CCDC141: variants seen among roughly 807,000 people sequenced by gnomAD.
The protein encoded by CCDC141 is coiled-coil domain containing 141.
In CCDC141, 168 loss-of-function variants were observed where a neutral mutation model predicts 181.0. The ratio of observed to expected loss-of-function variants is 0.93; its 90% CI spans 0.82 to 1.05. CCDC141 has a LOEUF of 1.05. CCDC141 is among the 50% of genes least tolerant of loss of function. The pLI is 0.00. For missense variants in CCDC141, 1,902 were observed against 1,788.5 expected, an observed-to-expected ratio of 1.06 and a Z score of -1.14; for synonymous variants, 666 against 642.3, an observed-to-expected ratio of 1.04 and a Z score of -0.56.
intron 2 of CCDC141, among the ~76,000 whole-genome samples, chr2:179,019,644 C>T (rs1474253768): frequency 3.3e-5 from 5 of 152,222 alleles, no homozygotes; most frequent in African/African-American, 1.2e-4. Context: ...TAGTAGGAAA[C>T]TACACTTTAA....
intron 6 of CCDC141, among the ~76,000 whole-genome samples, chr2:178,938,259 C>A (rs911867664): frequency 4.6e-5 from 7 of 152,118 alleles, no homozygotes; most frequent in African/African-American, 1.7e-4. Flanking sequence ...CTTCACACTG[C>A]CTTAGCTGTG....
intron 2 of CCDC141, among the ~76,000 whole-genome samples, chr2:178,994,162 T>C (rs540701190): frequency 1.2e-4 from 19 of 152,314 alleles, no homozygotes; most frequent in African/African-American, 4.6e-4. Context: ...CAGTAGGTAT[T>C]CTGTTTGTGG....
intron 4 of CCDC141, among the ~76,000 whole-genome samples, chr2:178,965,937 T>G (rs1378193570): frequency 6.6e-6 from 1 of 151,792 alleles, no homozygotes; most frequent in African/African-American, 2.4e-5. Flanking sequence ...TTGGTGGGGG[T>G]AGGGGCGTCC....
At chr2:178,949,469 T>A (rs1347311594) in intron 5 of CCDC141, among the ~76,000 whole-genome samples, 1 of 152,200 alleles carries the variant, frequency 6.6e-6, no homozygotes, top group Non-Finnish European at 1.5e-5. Context: ...AATGCCAGTG[T>A]CAGAATTCAT....
intron 8 of CCDC141, among the ~76,000 whole-genome samples, chr2:178,902,514 C>A (rs1395543400): frequency 4.6e-5 from 7 of 152,120 alleles, no homozygotes; most frequent in Non-Finnish European, 7.3e-5. Flanking sequence ...GAAAGGATTC[C>A]CTATTTAATA....
chr2:178,856,519 A>T, intron 17 of CCDC141, 122 bp from the exon 18 acceptor site: 1 of 617,320 alleles, frequency 1.6e-6, no homozygotes, highest in South Asian at 3.8e-5. Context: ...ATTTAGGGTA[A>T]TTTTCCCTCC....
At chr2:179,022,497 A>G (rs1197535111) in intron 2 of CCDC141, among the ~76,000 whole-genome samples, 4 of 152,130 alleles carry the variant, frequency 2.6e-5, no homozygotes, top group Non-Finnish European at 4.4e-5. Context: ...CCCTGCCCCA[A>G]ACACTGTTCC....
chr2:179,046,116 A>G (rs2043489885), intron 2 of CCDC141, among the ~76,000 whole-genome samples: 1 of 152,242 alleles, frequency 6.6e-6, no homozygotes, highest in South Asian at 2.1e-4. Context: ...AGAAAACAGT[A>G]ATATTAAAGT....
intron 7 of CCDC141, among the ~76,000 whole-genome samples, chr2:178,906,665 G>A (rs561897741): frequency 1.3e-5 from 2 of 152,316 alleles, no homozygotes; most frequent in East Asian, 3.9e-4. Context: ...AAGCCAGTGA[G>A]CTTGCCAGGA....
At chr2:179,004,333 C>T (rs2042064213) in intron 2 of CCDC141, among the ~76,000 whole-genome samples, 1 of 152,094 alleles carries the variant, frequency 6.6e-6, no homozygotes, top group African/African-American at 2.4e-5. Context: ...ATTGCCAATG[C>T]TTATAATCAT....
chr2:178,936,203 G>A (rs1689282772), intron 6 of CCDC141, among the ~76,000 whole-genome samples: 1 of 151,960 alleles, frequency 6.6e-6, no homozygotes, highest in African/African-American at 2.4e-5. Context: ...TGCCTAAGTT[G>A]TCTTCCAGGG....
intron 9 of CCDC141, among the ~76,000 whole-genome samples, chr2:178,887,829 C>T (rs1245822611): frequency 6.6e-6 from 1 of 152,130 alleles, no homozygotes; most frequent in Non-Finnish European, 1.5e-5. Context: ...AATTTGAGAC[C>T]AAGCCTCTGC....
At chr2:178,879,097 G>A (rs1686480234) in intron 11 of CCDC141, among the ~76,000 whole-genome samples, 1 of 152,174 alleles carries the variant, frequency 6.6e-6, no homozygotes, top group Non-Finnish European at 1.5e-5. Flanking sequence ...GCTAACCAAT[G>A]TAAGCAATAT....
At position 178,960,782 on chromosome 2, in the gene CCDC141, T is replaced by C. The variant is rs557747796; in HGVS notation, c.780+448A>G. The stretch of plus-strand genomic sequence containing the variant: ...CCAAGGTCATATTTTTTGATTGGCA[T>C]CAGACTACTCTTCTAAGAACATTAT... On this transcript the variant is annotated intron_variant, in intron 5 of 23. Transcript: ENST00000443758. Among the ~76,000 whole-genome samples, 3 of 152,362 alleles carry C rather than the reference T, an allele frequency of 2.0e-5. No homozygotes were observed. The East Asian group carries it at 5.8e-4, about 29-fold the overall frequency.
intron 6 of CCDC141, among the ~76,000 whole-genome samples, chr2:178,936,588 G>T (rs1487405705): frequency 6.6e-6 from 1 of 151,856 alleles, no homozygotes; most frequent in African/African-American, 2.4e-5. Flanking sequence ...GGCTCTTTTT[G>T]ATCTTATATG....
chr2:178,826,569 T>C (rs1371239255), downstream of CCDC141, among the ~76,000 whole-genome samples: 1 of 152,158 alleles, frequency 6.6e-6, no homozygotes, highest in Non-Finnish European at 1.5e-5. Flanking sequence ...TTTTCTTTTT[T>C]TGGAAAGTTG....
At chr2:178,931,250 G>A (rs1689085544) in intron 6 of CCDC141, among the ~76,000 whole-genome samples, 1 of 152,074 alleles carries the variant, frequency 6.6e-6, no homozygotes, top group African/African-American at 2.4e-5. Context: ...AGCTGCTATG[G>A]AAAAATAGCA....
chr2:178,977,508 T>C (rs1691171449), intron 3 of CCDC141, among the ~76,000 whole-genome samples: 1 of 152,178 alleles, frequency 6.6e-6, no homozygotes, highest in African/African-American at 2.4e-5. Context: ...GTCTCTGAAA[T>C]GAGTTAAACT....
At chr2:178,942,095 G>A (rs1310586531) in intron 6 of CCDC141, among the ~76,000 whole-genome samples, 2 of 149,864 alleles carry the variant, frequency 1.3e-5, no homozygotes, top group Non-Finnish European at 3.0e-5. Flanking sequence ...AAAACTACTT[G>A]AGTACATGGG....
Sources: allele counts gnomAD v4.1 joint callset (sites outside exome capture counted in the v4.1 genomes callset), GRCh38; gene constraint gnomAD v4.1.1; transcripts MANE v1.5; gene names NCBI Gene and HGNC (gene_info 2026-07-23, HGNC 2026-07-21).